Variants in TMEM132C observed in about 807,000 individuals in gnomAD.
The protein encoded by TMEM132C is transmembrane protein 132C.
Under a neutral mutation model 61.4 loss-of-function variants are expected in TMEM132C, and 29 were observed. The observed-to-expected ratio is 0.47, with a 90% CI of 0.35 to 0.64. TMEM132C has a LOEUF of 0.64. Among genes scored for constraint, TMEM132C ranks in the 30% least tolerant of loss-of-function variants. TMEM132C has a pLI of 0.00. For synonymous variants in TMEM132C, 656 were observed against 633.1 expected (o/e 1.04, Z -0.54); for missense variants, 1,408 against 1,476.9 (o/e 0.95, Z 0.76).
intron 3 of TMEM132C, among the ~76,000 whole-genome samples, chr12:128,580,292 G>A (rs965667141): frequency 1.3e-5 from 2 of 152,094 alleles, no homozygotes; most frequent in Non-Finnish European, 2.9e-5. Flanking sequence ...GTGGTGGCGG[G>A]CGCCTGTAGT....
chr12:128,527,683 G>C (rs1032666946), intron 2 of TMEM132C, among the ~76,000 whole-genome samples: 1 of 148,106 alleles, frequency 6.8e-6, no homozygotes, highest in Non-Finnish European at 1.5e-5. Flanking sequence ...GTATGTGAAC[G>C]TGCATGTACG....
intron 3 of TMEM132C, among the ~76,000 whole-genome samples, chr12:128,604,708 G>C (rs984233542): frequency 2.0e-5 from 3 of 148,242 alleles, no homozygotes; most frequent in Non-Finnish European, 4.4e-5. Context: ...TAGATGGCTA[G>C]ATAGATAAAT....
At chr12:128,276,279 C>CA (rs1870686673) in intron 1 of TMEM132C, among the ~76,000 whole-genome samples, 3 of 152,052 alleles carry the variant, frequency 2.0e-5, no homozygotes, top group Admixed American at 6.5e-5. Context: ...ATCCACAGTA[C>CA]AATACAATGG....
chr12:128,398,794 T>C (rs966130887), intron 1 of TMEM132C, among the ~76,000 whole-genome samples: 1 of 148,318 alleles, frequency 6.7e-6, no homozygotes, highest in Non-Finnish European at 1.5e-5. Context: ...CAACAGGGTG[T>C]TGAGTGATGG....
chr12:128,604,329 T>C (rs903232782), intron 3 of TMEM132C, among the ~76,000 whole-genome samples: 1 of 151,560 alleles, frequency 6.6e-6, no homozygotes, highest in African/African-American at 2.4e-5. Flanking sequence ...GATGGACGTG[T>C]GGATAGAAAG....
intron 2 of TMEM132C, among the ~76,000 whole-genome samples, chr12:128,500,241 C>A (rs149434885): frequency 5.3e-4 from 80 of 152,216 alleles, no homozygotes; most frequent in African/African-American, 1.7e-3. Context: ...AACTTGAACT[C>A]CTAGAAGAAA....
At position 128,308,233 on chromosome 12, in the gene TMEM132C, C is replaced by G. The variant is rs114384307; in HGVS notation, c.85+40746C>G. Among the ~76,000 whole-genome samples, 493 of 152,356 alleles carry G rather than the reference C, an allele frequency of 3.2e-3. 6 individuals carry two copies. Among genetic ancestry groups the G allele is most frequent in the African/African-American group, 0.011 (476 of 41,580 alleles). ...GTCTCTTTGGGACCCAGATCTTTCC[C>G]TGGACTTCCCCCTTGCAGGAGTCCA... On this transcript the variant is annotated intron_variant, in intron 1 of 8. Transcript: ENST00000435159.
chr12:128,520,290 G>A lies in TMEM132C; in HGVS notation c.975-23667G>A, dbSNP rs1052394978. ...TCAGAGACTATAGATGTCTACCAAC[G>A]TTTTCTTCTTTCTTTTTTGACAATG... On this transcript the variant is annotated intron_variant, in intron 2 of 8. Transcript: ENST00000435159. Among the ~76,000 whole-genome samples, 224 of 152,246 alleles carry A rather than the reference G, an allele frequency of 1.5e-3. 2 individuals carry two copies. The highest frequency in any genetic ancestry group is 9.6e-4 in the East Asian group (5 of 5,184).
chr12:128,619,545 G>C (rs777633003), intron 4 of TMEM132C, among the ~76,000 whole-genome samples: 2 of 152,202 alleles, frequency 1.3e-5, no homozygotes, highest in African/African-American at 2.4e-5. Flanking sequence ...CGTTTTGCTC[G>C]TCCTGCCTCC....
At chr12:128,288,630 T>C (rs1193396) in intron 1 of TMEM132C, 120,286 of 152,082 alleles carry the variant, frequency 0.79, 48,705 homozygotes, top group Non-Finnish European at 0.88. Context: ...ACAGAGCTGG[T>C]GGGAATTTCA....
intron 1 of TMEM132C, among the ~76,000 whole-genome samples, chr12:128,354,258 C>G (rs545660889): frequency 6.6e-6 from 1 of 151,828 alleles, no homozygotes; most frequent in Non-Finnish European, 1.5e-5. Flanking sequence ...GACCCTGTAC[C>G]CTTCCCCTCT....
At chr12:128,385,933 A>G (rs1424548859) in intron 1 of TMEM132C, among the ~76,000 whole-genome samples, 1 of 152,074 alleles carries the variant, frequency 6.6e-6, no homozygotes, top group Non-Finnish European at 1.5e-5. Context: ...CCTACTCTGA[A>G]CTTGGGGTGA....
chr12:128,323,311 G>A (rs530063877), intron 1 of TMEM132C, among the ~76,000 whole-genome samples: 1 of 152,312 alleles, frequency 6.6e-6, no homozygotes, highest in South Asian at 2.1e-4. Flanking sequence ...AAAGTGTCAG[G>A]TCCATCAGTG....
intron 2 of TMEM132C, among the ~76,000 whole-genome samples, chr12:128,521,840 T>G (rs944379047): frequency 5.3e-5 from 8 of 152,208 alleles, no homozygotes; most frequent in Non-Finnish European, 8.8e-5. Flanking sequence ...TTACAAACAT[T>G]TTAAATAAGA....
intron 3 of TMEM132C, among the ~76,000 whole-genome samples, chr12:128,596,867 A>T (rs1175102827): frequency 6.7e-6 from 1 of 148,292 alleles, no homozygotes. Flanking sequence ...CAAGTGCTTT[A>T]TCATCTCCAT....
intron 2 of TMEM132C, among the ~76,000 whole-genome samples, chr12:128,422,267 C>G (rs75089403): frequency 0.06 from 9,097 of 152,242 alleles, 931 homozygotes; most frequent in African/African-American, 0.2. Flanking sequence ...CAGAATCACT[C>G]TGCTGCCAAA....
At chr12:128,459,351 A>C (rs7309849) in intron 2 of TMEM132C, among the ~76,000 whole-genome samples, 4 of 152,184 alleles carry the variant, frequency 2.6e-5, no homozygotes, top group Non-Finnish European at 4.4e-5. Context: ...CCATGCTGAG[A>C]GATCAGGAGG....
At chr12:128,496,165 A>C (rs556692271) in intron 2 of TMEM132C, among the ~76,000 whole-genome samples, 4 of 152,130 alleles carry the variant, frequency 2.6e-5, no homozygotes, top group East Asian at 1.9e-4. Context: ...TTGGCCCCCA[A>C]TCTCTTCTGG....
chr12:128,436,556 C>T (rs1869598377), intron 2 of TMEM132C, among the ~76,000 whole-genome samples: 1 of 152,220 alleles, frequency 6.6e-6, no homozygotes, highest in South Asian at 2.1e-4. Flanking sequence ...TGCTCATCAT[C>T]ACTGGTCATC....
Sources: gnomAD v4.1 joint callset for allele counts (sites outside exome capture counted in the v4.1 genomes callset) on GRCh38, gnomAD v4.1.1 for gene constraint, MANE v1.5 for transcripts, NCBI Gene and HGNC (gene_info 2026-07-23, HGNC 2026-07-21) for gene names.